Variants in SUN1 observed in about 807,000 individuals in gnomAD.
SUN1 encodes the protein SUN domain-containing protein 1.
Under a neutral mutation model 103.2 loss-of-function variants are expected in SUN1, and 61 were observed. The ratio of observed to expected loss-of-function variants is 0.59; its 90% CI spans 0.48 to 0.73. SUN1 has a LOEUF of 0.73. Among genes scored for constraint, SUN1 ranks in the 30% least tolerant of loss-of-function variants. SUN1 has a pLI of 0.00. For synonymous variants in SUN1, 490 were observed against 425.7 expected, an observed-to-expected ratio of 1.15 and a Z score of -1.86; for missense variants, 1,052 against 1,034.6, an observed-to-expected ratio of 1.02 and a Z score of -0.23.
At chr7:827,962 C>T (rs181286361), upstream of SUN1, among the ~76,000 whole-genome samples, 536 of 151,550 alleles carry the variant, frequency 3.5e-3, 4 homozygotes, top group African/African-American at 0.012. Context: ...GGCTGGAATG[C>T]GCTGAAATAT....
rs1843228684 is a variant in SUN1, at chr7:874,180, CTGG to C, written c.*855_*857del. 1 of 152,428 alleles carries C rather than the reference CTGG, an allele frequency of 6.6e-6. No homozygotes were observed. The highest frequency in any genetic ancestry group is 2.4e-5 in the African/African-American group (1 of 41,448). 9.4% of individuals were successfully genotyped at this position (152,428 alleles called of 1,614,324 possible). A position where few individuals can be genotyped will look rare whatever the true frequency, so the allele number is the denominator to read the frequency against. ...CAAGACGCCCTGAGCCTCCCTCTCACTGGTGGTGATAAGAGGAGCCGTCTGGTG... is the reference window on the plus strand; with the variant it reads ...CAAGACGCCCTGAGCCTCCCTCTCACTGGTGATAAGAGGAGCCGTCTGGTG... On this transcript the variant is annotated 3_prime_UTR_variant, in exon 19 of 19. Transcript: ENST00000401592.
intron 2 of SUN1, among the ~76,000 whole-genome samples, chr7:840,050 A>G (rs925703784): frequency 5.3e-5 from 8 of 152,238 alleles, no homozygotes; most frequent in African/African-American, 1.7e-4. Context: ...TGACAGCTTT[A>G]TGTTGCTCAT....
chr7:844,404 G>T, intron 5 of SUN1, among the ~76,000 whole-genome samples: 1 of 152,208 alleles, frequency 6.6e-6, no homozygotes, highest in East Asian at 1.9e-4. Flanking sequence ...TATCCACTCC[G>T]AGCCTGGCAT....
intron 11 of SUN1, 81 bp downstream of exon 11, chr7:855,087 T>A (rs533611466): frequency 2.0e-4 from 219 of 1,086,382 alleles, no homozygotes; most frequent in Non-Finnish European, 2.6e-4. Context: ...TTTGGTCATT[T>A]AATGTTCCTC....
At chr7:833,794 G>A (rs1280646453) in intron 1 of SUN1, among the ~76,000 whole-genome samples, 1 of 152,192 alleles carries the variant, frequency 6.6e-6, no homozygotes, top group Non-Finnish European at 1.5e-5. Context: ...TAAGAGTCCT[G>A]TAGTGGTGAG....
intron 15 of SUN1, among the ~76,000 whole-genome samples, chr7:863,653 C>G (rs1475839664): frequency 2.0e-5 from 3 of 152,226 alleles, no homozygotes; most frequent in Non-Finnish European, 4.4e-5. Flanking sequence ...AGTAGCCATC[C>G]TCACAGCCCC....
At chr7:853,259 C>G in intron 9 of SUN1, 150 bp from the exon 10 acceptor site, 2 of 919,470 alleles carry the variant, frequency 2.2e-6, no homozygotes, top group South Asian at 3.3e-5. Flanking sequence ...AGGATCAAAC[C>G]TGATACTCCG....
intron 3 of SUN1, chr7:842,575 G>A: frequency 5.1e-6 from 1 of 195,056 alleles, no homozygotes. Context: ...CTTAGAGAAT[G>A]CTGCAGGGTG....
chr7:836,769 A>G (rs1180963239), intron 1 of SUN1, among the ~76,000 whole-genome samples: 1 of 152,210 alleles, frequency 6.6e-6, no homozygotes, highest in Non-Finnish European at 1.5e-5. Flanking sequence ...CAAATATCTG[A>G]GCGCCCAAGG....
intron 2 of SUN1, among the ~76,000 whole-genome samples, chr7:840,535 C>G (rs75621036): frequency 0.024 from 3,595 of 152,334 alleles, 175 homozygotes; most frequent in East Asian, 0.19. Flanking sequence ...CTGGGTTCCC[C>G]CTACCTGACG....
At chr7:815,670 G>A (rs1322889273), upstream of SUN1, among the ~76,000 whole-genome samples, 5 of 152,230 alleles carry the variant, frequency 3.3e-5, no homozygotes, top group African/African-American at 1.2e-4. Context: ...GTATTTGCAA[G>A]ACGCGGTGCA....
At chr7:870,885 TTC>T (rs1841092342) in intron 17 of SUN1, among the ~76,000 whole-genome samples, 1 of 121,988 alleles carries the variant, frequency 8.2e-6, no homozygotes. Flanking sequence ...TTTATTTTCT[TTC>T]TTTTTTTTTT....
At chr7:842,230 T>C (rs2128298053) in intron 3 of SUN1, 100 bp downstream of exon 3, 1 of 1,310,390 alleles carries the variant, frequency 7.6e-7, no homozygotes, top group Non-Finnish European at 1.0e-6. Context: ...TCGGTTTGCA[T>C]GGATTATGCT....
chr7:849,673 C>G, intron 5 of SUN1: 1 of 1,490,080 alleles, frequency 6.7e-7, no homozygotes, highest in Non-Finnish European at 9.3e-7. Context: ...ATGTTGGGTA[C>G]TAGCAGTAGA....
Position 853,429 on chromosome 7 carries a change from G to C in SUN1, c.1074G>C (p.Pro358=). 1 of 1,613,842 alleles carries C rather than the reference G, an allele frequency of 6.2e-7. No individual in the cohort carries two copies. The highest frequency in any genetic ancestry group is 8.5e-7 in the Non-Finnish European group (1 of 1,180,048). Residue 358 remains proline (P), a synonymous_variant, in exon 10 of 19, where the codon CCG becomes CCC. Coordinates refer to ENST00000401592, the MANE Select transcript of SUN1 (RefSeq NM_001130965.3). ...QPLQGDSEAF[P]WHWMSGVEQQ... is the part of the protein sequence containing the mutation. ...TTCAGGGTGACAGTGAGGCTTTTCC[G>C]TGGCATTGGATGAGTGGCGTGGAGC...
At chr7:831,868 G>A, upstream of SUN1, 1 of 206,640 alleles carries the variant, frequency 4.8e-6, no homozygotes, top group Non-Finnish European at 8.5e-6. Flanking sequence ...AGTATTTTTA[G>A]CCAGAGGAAA....
At position 848,457 on chromosome 7, in the gene SUN1, C is replaced by T. The variant is rs765861697; in HGVS notation, c.659-2927C>T. 3.7e-6 allele frequency: 5 copies of T among 1,362,738 alleles called. No homozygotes were observed. The East Asian group carries it at 1.4e-4, about 37-fold the overall frequency. 84.4% of individuals were successfully genotyped at this position (1,362,738 alleles called of 1,614,324 possible). A position where few individuals can be genotyped will look rare whatever the true frequency, so the allele number is the denominator to read the frequency against. On this transcript the variant is annotated intron_variant, in intron 5 of 18. Coordinates refer to ENST00000401592, the MANE Select transcript of SUN1 (RefSeq NM_001130965.3). ...TACGTGAATAGGATTTTGTGGCTGG[C>T]CAGATACACTGCATCATCTTTTTCA...
chr7:852,377 G>C, intron 7 of SUN1: 1 of 614,748 alleles, frequency 1.6e-6, no homozygotes, highest in Admixed American at 2.9e-5. Context: ...AGCGACTCAG[G>C]GTAGCTCAGG....
Position 869,510 on chromosome 7 carries a change from C to T in SUN1, c.2142C>T (p.Ala714=), listed in dbSNP as rs561697837. 2.2e-5 allele frequency: 35 copies of T among 1,612,932 alleles called. No homozygotes were observed. Among genetic ancestry groups the T allele is most frequent in the Admixed American group, 1.0e-4 (6 of 59,940 alleles). ...GNISSAPKDF[A]VYGLENEYQE... ...TCAGCAGCGCCCCCAAGGACTTCGC[C>T]GTCTATGTGAGTGCCCTTGGCCGAC... Residue 714 remains alanine, a synonymous_variant, in exon 17 of 19, where the codon GCC becomes GCT. Transcript: ENST00000401592.
Sources: allele counts gnomAD v4.1 joint callset (sites outside exome capture counted in the v4.1 genomes callset), GRCh38; gene constraint gnomAD v4.1.1; transcripts MANE v1.5; gene names NCBI Gene and HGNC (gene_info 2026-07-23, HGNC 2026-07-21).